Variants in SLC9A9 observed in about 807,000 individuals in gnomAD.
The protein encoded by SLC9A9 is sodium/hydrogen exchanger 9.
A neutral mutation model predicts 77.8 loss-of-function variants in SLC9A9; 62 were observed. The ratio of observed to expected loss-of-function variants is 0.80; its 90% confidence interval spans 0.65 to 0.98. The LOEUF (loss-of-function observed/expected upper bound fraction) is 0.98, where lower values mean the gene tolerates loss of function less well. SLC9A9 is among the 50% of genes least tolerant of loss of function. The pLI, the probability that SLC9A9 is intolerant of heterozygous loss-of-function variation, is 0.00. For missense variants in SLC9A9, 775 were observed against 774.9 expected (o/e 1.00, Z 0.00); for synonymous variants, 320 against 283.5 (o/e 1.13, Z -1.29).
chr3:143,795,047 A>G lies in SLC9A9; in HGVS notation c.487T>C (p.Leu163=), dbSNP rs149391262. ...RHFFQNLGSI[L]TYAFLGTAIS... is the part of the protein sequence containing the mutation. ...GCAGTTCCCAAGAAGGCATACGTTA[A>G]AATAGATCCTAAGTTTTGAAAAAAG... Residue 163 remains leucine, a synonymous_variant, in exon 4 of 16, where the codon TTA becomes CTA. Transcript: ENST00000316549. The G allele has an allele frequency of 1.9e-6, 3 of 1,613,660 alleles. No individual in the cohort carries two copies. In the African/African-American group the frequency reaches 4.0e-5, roughly 22 times the overall value.
chr3:143,733,474 G>C (rs1294920772), intron 4 of SLC9A9, among the ~76,000 whole-genome samples: 1 of 152,124 alleles, frequency 6.6e-6, no homozygotes. Context: ...CAATTTGAGA[G>C]CACAGGACTA....
intron 12 of SLC9A9, among the ~76,000 whole-genome samples, chr3:143,431,953 T>G (rs933691566): frequency 1.3e-5 from 2 of 152,160 alleles, no homozygotes; most frequent in African/African-American, 4.8e-5. Flanking sequence ...CAGTCTTTAC[T>G]CAAGAGATAA....
intron 4 of SLC9A9, among the ~76,000 whole-genome samples, chr3:143,720,624 C>T (rs566013089): frequency 5.3e-5 from 8 of 152,162 alleles, no homozygotes; most frequent in South Asian, 4.1e-4. Context: ...TCCTGACACA[C>T]CCTTTATAAT....
chr3:143,437,149 C>T (rs1037207090), intron 12 of SLC9A9, among the ~76,000 whole-genome samples: 1 of 152,254 alleles, frequency 6.6e-6, no homozygotes, highest in Admixed American at 6.5e-5. Flanking sequence ...GTCCCAGCCA[C>T]AGTGGGTGCC....
chr3:143,676,123 A>C (rs1011976552), intron 5 of SLC9A9, among the ~76,000 whole-genome samples: 3 of 152,118 alleles, frequency 2.0e-5, no homozygotes, highest in Admixed American at 2.0e-4. Context: ...TAGGGTTCAC[A>C]CTTCTATGAC....
At chr3:143,793,350 A>T (rs1443004123) in intron 4 of SLC9A9, among the ~76,000 whole-genome samples, 2 of 152,224 alleles carry the variant, frequency 1.3e-5, no homozygotes, top group African/African-American at 2.4e-5. Context: ...AAAGCATATA[A>T]TATAAATAAA....
At chr3:143,369,998 C>T (rs1375165583) in intron 13 of SLC9A9, among the ~76,000 whole-genome samples, 1 of 152,220 alleles carries the variant, frequency 6.6e-6, no homozygotes, top group African/African-American at 2.4e-5. Context: ...GTCCAGCCTT[C>T]AGATGATTCT....
intron 13 of SLC9A9, among the ~76,000 whole-genome samples, chr3:143,364,603 A>G (rs1054495673): frequency 6.6e-6 from 1 of 152,088 alleles, no homozygotes; most frequent in Non-Finnish European, 1.5e-5. Flanking sequence ...CAGTTCCATC[A>G]TTGGTTAATG....
At chr3:143,515,062 C>T (rs9874109) in intron 9 of SLC9A9, among the ~76,000 whole-genome samples, 38,528 of 152,046 alleles carry the variant, frequency 0.25, 6,012 homozygotes, top group Non-Finnish European at 0.36. Flanking sequence ...CACTTAAACA[C>T]TCAGAGGCTA....
At chr3:143,409,034 A>G (rs1225492643) in intron 12 of SLC9A9, among the ~76,000 whole-genome samples, 3 of 152,228 alleles carry the variant, frequency 2.0e-5, no homozygotes, top group African/African-American at 4.8e-5. Flanking sequence ...TGGGATCAGA[A>G]ATACCAGTTT....
intron 1 of SLC9A9, among the ~76,000 whole-genome samples, chr3:143,839,448 G>T (rs1424043606): frequency 1.3e-5 from 2 of 152,026 alleles, no homozygotes; most frequent in East Asian, 3.8e-4. Context: ...CTCCATCAGA[G>T]TGGGGTGTCT....
intron 4 of SLC9A9, among the ~76,000 whole-genome samples, chr3:143,697,230 G>A (rs1933667290): frequency 6.6e-6 from 1 of 151,966 alleles, no homozygotes; most frequent in Non-Finnish European, 1.5e-5. Context: ...ATTAAGACAA[G>A]TTAATGATTA....
intron 7 of SLC9A9, 22 bp from the exon 8 acceptor site, chr3:143,574,215 AAAC>A (rs746994346): frequency 1.1e-5 from 17 of 1,578,762 alleles, no homozygotes; most frequent in African/African-American, 2.7e-5. Flanking sequence ...AAGTTAAGGG[AAAC>A]AACAACAGCT....
chr3:143,686,023 GA>G (rs892977593), intron 5 of SLC9A9, among the ~76,000 whole-genome samples: 20 of 152,190 alleles, frequency 1.3e-4, no homozygotes, highest in African/African-American at 4.1e-4. Context: ...CTATGTGCTA[GA>G]AATGCAGCTA....
chr3:143,710,361 G>C (rs751897162), intron 4 of SLC9A9, among the ~76,000 whole-genome samples: 4 of 152,170 alleles, frequency 2.6e-5, no homozygotes, highest in Non-Finnish European at 5.9e-5. Context: ...ACACATGCAT[G>C]GTTGTGTTTT....
intron 4 of SLC9A9, among the ~76,000 whole-genome samples, chr3:143,771,724 T>C (rs2007524306): frequency 6.6e-6 from 1 of 152,242 alleles, no homozygotes; most frequent in South Asian, 2.1e-4. Context: ...GCTCCTGCTG[T>C]TGTCCCTCGT....
At chr3:143,303,378 T>G (rs1252531876) in intron 14 of SLC9A9, among the ~76,000 whole-genome samples, 1 of 148,546 alleles carries the variant, frequency 6.7e-6, no homozygotes, top group African/African-American at 2.4e-5. Flanking sequence ...CTTTTCTTTT[T>G]TTTTTTTTGA....
chr3:143,486,916 A>G (rs1057238342), intron 11 of SLC9A9, among the ~76,000 whole-genome samples: 4 of 152,008 alleles, frequency 2.6e-5, no homozygotes, highest in African/African-American at 9.6e-5. Flanking sequence ...AAAATGACAG[A>G]ACCTCTTTCT....
chr3:143,755,780 A>T (rs1466292657), intron 4 of SLC9A9, among the ~76,000 whole-genome samples: 1 of 152,146 alleles, frequency 6.6e-6, no homozygotes, highest in Admixed American at 6.6e-5. Flanking sequence ...AATGCCAAAC[A>T]TATTGTATTA....
Sources: gnomAD v4.1 joint callset for allele counts (sites outside exome capture counted in the v4.1 genomes callset) on GRCh38, gnomAD v4.1.1 for gene constraint, MANE v1.5 for transcripts, NCBI Gene and HGNC (gene_info 2026-07-23, HGNC 2026-07-21) for gene names.